The following CCDC25 variants were observed in gnomAD, a reference collection of about 807,000 sequenced individuals.
The protein encoded by CCDC25 is coiled-coil domain containing 25.
CCDC25 carries 16 observed loss-of-function variants against 35.3 expected under a neutral mutation model. That is an observed-to-expected ratio of 0.45 (90% CI 0.31 to 0.69). CCDC25 has a LOEUF of 0.69. Ranked by LOEUF, CCDC25 falls within the 30% of genes least tolerant of loss-of-function variation. The pLI is 0.06. For missense variants in CCDC25, 179 were observed against 250.7 expected (o/e 0.71, Z 1.93); for synonymous variants, 79 against 80.3 (o/e 0.98, Z 0.09).
At chr8:27,750,519 G>C (rs1013420057) in intron 5 of CCDC25, among the ~76,000 whole-genome samples, 2 of 152,176 alleles carry the variant, frequency 1.3e-5, no homozygotes, top group African/African-American at 2.4e-5. Flanking sequence ...ACCTTAGCTT[G>C]AATCTGGACT....
At chr8:27,742,033 A>T (rs543229936) in intron 7 of CCDC25, among the ~76,000 whole-genome samples, 1 of 152,348 alleles carries the variant, frequency 6.6e-6, no homozygotes, top group Admixed American at 6.5e-5. Flanking sequence ...AAGAAGGAAT[A>T]CAGAGAAGAA....
rs1803172387 is a variant in CCDC25, at chr8:27,735,070, G to A, written c.*1146C>T. 6.6e-6 allele frequency: 1 copy of A among 152,386 alleles called. No homozygotes were observed. The highest frequency in any genetic ancestry group is 2.4e-5 in the African/African-American group (1 of 41,392). The allele number at this position is 152,386 out of a possible 1,614,324, so 9.4% of individuals were successfully genotyped here. A position where few individuals can be genotyped will look rare whatever the true frequency, so the allele number is the denominator to read the frequency against. On this transcript the variant is annotated 3_prime_UTR_variant, in exon 9 of 9. Coordinates refer to ENST00000356537, the MANE Select transcript of CCDC25 (RefSeq NM_018246.3). Reference sequence around the variant, plus strand: ...AATGTCCTTCCAGATTAAAAAAATGGTATTTTATTATAACTTTTAAAATTG... The same window carrying A: ...AATGTCCTTCCAGATTAAAAAAATGATATTTTATTATAACTTTTAAAATTG...
chr8:27,760,008 A>C (rs1804169164), intron 3 of CCDC25, among the ~76,000 whole-genome samples: 1 of 151,820 alleles, frequency 6.6e-6, no homozygotes, highest in Admixed American at 6.6e-5. Context: ...TATGTCCAAA[A>C]TTGACAGCTG....
chr8:27,764,258 T>C (rs370868301), intron 2 of CCDC25: 1 of 160,476 alleles, frequency 6.2e-6, no homozygotes, highest in East Asian at 1.9e-4. Context: ...AGGGAAAAAG[T>C]GTTCCATACA....
intron 1 of CCDC25, among the ~76,000 whole-genome samples, chr8:27,769,679 A>G (rs968911520): frequency 1.3e-5 from 2 of 152,252 alleles, no homozygotes; most frequent in African/African-American, 2.4e-5. Context: ...CTCATGGCAC[A>G]CACTGTGGAA....
In CCDC25 at chr8:27,733,790, T is replaced by G. The variant is rs1300640521; in HGVS notation, c.*2426A>C. 4 of 152,178 alleles carry G rather than the reference T, an allele frequency of 2.6e-5. No homozygotes were observed. The highest frequency in any genetic ancestry group is 9.7e-5 in the African/African-American group (4 of 41,430). The allele number at this position is 152,178 out of a possible 1,614,324, so 9.4% of individuals were successfully genotyped here. A position where few individuals can be genotyped will look rare whatever the true frequency, so the allele number is the denominator to read the frequency against. Reference sequence around the variant, plus strand: ...AACTAGAAAATTGTTCCTTTTCCATTTTGCCACCCTGCTCAGTTTTCCTCA... The same window carrying G: ...AACTAGAAAATTGTTCCTTTTCCATGTTGCCACCCTGCTCAGTTTTCCTCA... On this transcript the variant is annotated 3_prime_UTR_variant, in exon 9 of 9. Coordinates refer to ENST00000356537, the MANE Select transcript of CCDC25 (RefSeq NM_018246.3).
Position 27,733,812 on chromosome 8 carries a change from C to T in CCDC25, c.*2404G>A, listed in dbSNP as rs755540026. On this transcript the variant is annotated 3_prime_UTR_variant, in exon 9 of 9. Coordinates refer to ENST00000356537, the MANE Select transcript of CCDC25 (RefSeq NM_018246.3). Reference sequence around the variant, plus strand: ...CATTTTGCCACCCTGCTCAGTTTTCCTCATAAACGGTTCCAGCTTGGAAAA... The same window carrying T: ...CATTTTGCCACCCTGCTCAGTTTTCTTCATAAACGGTTCCAGCTTGGAAAA... 1 of 152,186 alleles carries T rather than the reference C, an allele frequency of 6.6e-6. No homozygotes were observed. The highest frequency in any genetic ancestry group is 1.5e-5 in the Non-Finnish European group (1 of 68,040). 9.4% of individuals were successfully genotyped at this position (152,186 alleles called of 1,614,324 possible). A position where few individuals can be genotyped will look rare whatever the true frequency, so the allele number is the denominator to read the frequency against.
chr8:27,772,430 G>A, intron 1 of CCDC25, 83 bp downstream of exon 1: 1 of 1,386,200 alleles, frequency 7.2e-7, no homozygotes, highest in Admixed American at 2.0e-5. Flanking sequence ...TTAGAGCGAG[G>A]GTCAGGCGCA....
chr8:27,762,001 G>A (rs1804244932), intron 3 of CCDC25, among the ~76,000 whole-genome samples: 1 of 152,194 alleles, frequency 6.6e-6, no homozygotes, highest in South Asian at 2.1e-4. Flanking sequence ...AGACAAAGGG[G>A]AACAAGTGTG....
chr8:27,735,016 T>C lies in CCDC25; in HGVS notation c.*1200A>G, dbSNP rs182607715. 201 of 152,366 alleles carry C rather than the reference T, an allele frequency of 1.3e-3. 1 individual carries two copies. Among genetic ancestry groups the C allele is most frequent in the Non-Finnish European group, 1.9e-4 (13 of 68,038 alleles). The allele number at this position is 152,366 out of a possible 1,614,324, so 9.4% of individuals were successfully genotyped here. On this transcript the variant is annotated 3_prime_UTR_variant, in exon 9 of 9. Coordinates refer to ENST00000356537, the MANE Select transcript of CCDC25 (RefSeq NM_018246.3). ...CTTGTGGAATGGGGGCTACCCTTTT[T>C]AATAGCAAATTCTAAGAATTCATAT... is the stretch of plus-strand genomic sequence containing the variant.
At chr8:27,740,179 G>A (rs1204195220) in intron 8 of CCDC25, among the ~76,000 whole-genome samples, 1 of 152,122 alleles carries the variant, frequency 6.6e-6, no homozygotes, top group Admixed American at 6.5e-5. Context: ...CCAGAAAAGA[G>A]GGGAAATAAA....
chr8:27,768,854 T>C (rs140840412), intron 1 of CCDC25, among the ~76,000 whole-genome samples: 7 of 152,300 alleles, frequency 4.6e-5, no homozygotes, highest in Non-Finnish European at 5.9e-5. Flanking sequence ...GTATTAAAAG[T>C]ACAAGTGGAC....
intron 7 of CCDC25, among the ~76,000 whole-genome samples, chr8:27,743,136 T>A (rs536242831): frequency 5.2e-4 from 79 of 152,254 alleles, no homozygotes; most frequent in Non-Finnish European, 1.1e-3. Flanking sequence ...AGCCCCCTTT[T>A]CCCTGCCCTT....
At chr8:27,759,468 G>T (rs1804136780) in intron 3 of CCDC25, among the ~76,000 whole-genome samples, 1 of 152,012 alleles carries the variant, frequency 6.6e-6, no homozygotes, top group Non-Finnish European at 1.5e-5. Context: ...AATTAGCCAG[G>T]CACAGTGGCG....
At chr8:27,770,231 C>T (rs1489276861) in intron 1 of CCDC25, among the ~76,000 whole-genome samples, 1 of 152,104 alleles carries the variant, frequency 6.6e-6, no homozygotes, top group Non-Finnish European at 1.5e-5. Context: ...CACTTGAGCT[C>T]AGGAGTTCAA....
intron 1 of CCDC25, chr8:27,772,024 T>C (rs867055161): frequency 5.1e-5 from 8 of 156,348 alleles, no homozygotes; most frequent in South Asian, 3.5e-4. Flanking sequence ...GGTCTTTTTA[T>C]TGTTTTCTGT....
chr8:27,752,130 ATATCAAACAACAT>A (rs1401086367), intron 5 of CCDC25, among the ~76,000 whole-genome samples: 3 of 152,258 alleles, frequency 2.0e-5, no homozygotes, highest in Admixed American at 6.5e-5. Flanking sequence ...AGAAATAAAG[ATATCAAACAACAT>A]TAAAAATAAA....
chr8:27,734,845 G>A lies in CCDC25; in HGVS notation c.*1371C>T, dbSNP rs1272852448. 1 of 152,186 alleles carries A rather than the reference G, an allele frequency of 6.6e-6. No homozygotes were observed. The highest frequency in any genetic ancestry group is 2.4e-5 in the African/African-American group (1 of 41,428). The allele number at this position is 152,186 out of a possible 1,614,324, so 9.4% of individuals were successfully genotyped here. On this transcript the variant is annotated 3_prime_UTR_variant, in exon 9 of 9. Coordinates refer to ENST00000356537, the MANE Select transcript of CCDC25 (RefSeq NM_018246.3). ...TGAGATGTATCAAGAATACATCTGA[G>A]AAAGGACATCCCTTTGACCCAGTGA... is the stretch of plus-strand genomic sequence containing the variant.
chr8:27,744,945 C>T (rs908813404), intron 7 of CCDC25, among the ~76,000 whole-genome samples: 2 of 152,176 alleles, frequency 1.3e-5, no homozygotes, highest in African/African-American at 4.8e-5. Flanking sequence ...TCTTGTACTT[C>T]TCTCATTCCA....
Sources: allele counts gnomAD v4.1 joint callset (sites outside exome capture counted in the v4.1 genomes callset), GRCh38; gene constraint gnomAD v4.1.1; transcripts MANE v1.5; gene names NCBI Gene and HGNC (gene_info 2026-07-23, HGNC 2026-07-21).